Variants in PPP2R2B observed in about 807,000 individuals in gnomAD.
The protein encoded by PPP2R2B is protein phosphatase 2 regulatory subunit Bbeta, also known as serine/threonine-protein phosphatase 2A 55 kDa regulatory subunit B beta isoform.
PPP2R2B carries 5 observed loss-of-function variants against 46.0 expected under a neutral mutation model. The ratio of observed to expected loss-of-function variants is 0.11; its 90% CI spans 0.06 to 0.23. The LOEUF (loss-of-function observed/expected upper bound fraction) is 0.23. Among genes scored for constraint, PPP2R2B ranks in the 10% least tolerant of loss-of-function variants. The pLI, the probability that PPP2R2B is intolerant of heterozygous loss-of-function variation, is 1.00. For missense variants in PPP2R2B, 367 were observed against 575.0 expected (o/e 0.64, Z 3.70); for synonymous variants, 215 against 206.7 (o/e 1.04, Z -0.34).
chr5:146,605,878 A>G (rs980695879), intron 7 of PPP2R2B, among the ~76,000 whole-genome samples: 1 of 152,214 alleles, frequency 6.6e-6, no homozygotes, highest in African/African-American at 2.4e-5. Flanking sequence ...AAAATTCCAT[A>G]GGCTATCTTA....
At chr5:146,931,190 G>A (rs1053037386) in intron 1 of PPP2R2B, among the ~76,000 whole-genome samples, 10 of 152,054 alleles carry the variant, frequency 6.6e-5, no homozygotes, top group South Asian at 4.2e-4. Context: ...AGAACCTTCC[G>A]CAATAATACA....
intron 2 of PPP2R2B, among the ~76,000 whole-genome samples, chr5:146,801,125 T>C (rs1324808291): frequency 6.6e-6 from 1 of 151,590 alleles, no homozygotes; most frequent in African/African-American, 2.4e-5. Flanking sequence ...GAATCTAAAA[T>C]AGCTAAACAT....
intron 1 of PPP2R2B, among the ~76,000 whole-genome samples, chr5:147,009,936 T>C (rs1184033605): frequency 6.6e-6 from 1 of 151,662 alleles, no homozygotes; most frequent in Non-Finnish European, 1.5e-5. Flanking sequence ...TAAGCATTTT[T>C]TATACTCACT....
chr5:146,806,496 C>A (rs560485861), intron 2 of PPP2R2B, among the ~76,000 whole-genome samples: 1 of 152,328 alleles, frequency 6.6e-6, no homozygotes, highest in African/African-American at 2.4e-5. Flanking sequence ...AAAGAGGTAC[C>A]TGACTCTTTC....
chr5:146,986,635 G>C (rs1175952910), intron 1 of PPP2R2B, among the ~76,000 whole-genome samples: 1 of 152,004 alleles, frequency 6.6e-6, no homozygotes, highest in Non-Finnish European at 1.5e-5. Flanking sequence ...TACAGTAGAG[G>C]GTCTCAATAG....
intron 1 of PPP2R2B, chr5:147,040,663 C>A (rs1356321881): frequency 2.4e-6 from 1 of 420,954 alleles, no homozygotes; most frequent in Non-Finnish European, 4.7e-6. Flanking sequence ...GTAACATATA[C>A]CCTGGCCCTG....
upstream of PPP2R2B, among the ~76,000 whole-genome samples, chr5:147,060,468 T>C (rs373804502): frequency 1.1e-3 from 174 of 151,864 alleles, no homozygotes; most frequent in African/African-American, 4.1e-3. Context: ...CTCTAAAAAA[T>C]ATACAGAAAA....
In PPP2R2B at chr5:146,582,023, C is replaced by T. The variant is rs1252178877; in HGVS notation, c.*7924G>A. The T allele has an allele frequency of 1.3e-5, 2 of 152,280 alleles. No homozygotes were observed. Among genetic ancestry groups the T allele is most frequent in the Non-Finnish European group, 1.5e-5 (1 of 68,058 alleles). 9.4% of individuals were successfully genotyped at this position (152,280 alleles called of 1,614,324 possible). A position where few individuals can be genotyped will look rare whatever the true frequency, so the allele number is the denominator to read the frequency against. ...CACTGACCCTATTGTTCATCCCCCT[C>T]CAATTTATTGTTGTATTTCCCAGCT... On this transcript the variant is annotated 3_prime_UTR_variant, in exon 10 of 10. Coordinates refer to ENST00000394411, the MANE Select transcript of PPP2R2B (RefSeq NM_181675.4).
chr5:146,636,180 C>A (rs1332810044), intron 7 of PPP2R2B, among the ~76,000 whole-genome samples: 1 of 152,122 alleles, frequency 6.6e-6, no homozygotes, highest in Admixed American at 6.5e-5. Context: ...CAGCGAAATG[C>A]TCTCAAATTA....
At chr5:146,891,407 G>T (rs1051774808) in intron 1 of PPP2R2B, among the ~76,000 whole-genome samples, 9 of 152,210 alleles carry the variant, frequency 5.9e-5, no homozygotes, top group Admixed American at 2.0e-4. Context: ...TCATTTTTGT[G>T]AACACTGTCA....
At chr5:146,938,093 C>T (rs1296887723) in intron 1 of PPP2R2B, among the ~76,000 whole-genome samples, 1 of 152,042 alleles carries the variant, frequency 6.6e-6, no homozygotes, top group African/African-American at 2.4e-5. Context: ...CGTAAAATTG[C>T]TTAGATTGAG....
intron 1 of PPP2R2B, among the ~76,000 whole-genome samples, chr5:146,941,310 T>TG (rs370408525): frequency 6.6e-6 from 1 of 152,288 alleles, no homozygotes; most frequent in Non-Finnish European, 1.5e-5. Flanking sequence ...CCAAAACACT[T>TG]GGGACCTAAT....
At chr5:146,638,174 T>A in intron 7 of PPP2R2B, 77 bp downstream of exon 7, 1 of 1,454,998 alleles carries the variant, frequency 6.9e-7, no homozygotes, top group Non-Finnish European at 9.3e-7. Context: ...GAAAGGGAGA[T>A]CATAAGCTTC....
chr5:147,081,483 G>A (rs181704889), upstream of PPP2R2B: 91 of 601,588 alleles, frequency 1.5e-4, no homozygotes, highest in African/African-American at 1.4e-3. Context: ...CCCTTTTCAC[G>A]GGAATACTAA....
chr5:146,688,580 T>C (rs1053895550), intron 5 of PPP2R2B, among the ~76,000 whole-genome samples: 1 of 151,752 alleles, frequency 6.6e-6, no homozygotes, highest in Non-Finnish European at 1.5e-5. Context: ...AGAACCAGAG[T>C]TGGAATTTTC....
chr5:146,833,442 C>T (rs1485654544), intron 2 of PPP2R2B, among the ~76,000 whole-genome samples: 2 of 152,154 alleles, frequency 1.3e-5, no homozygotes, highest in East Asian at 3.9e-4. Flanking sequence ...TGAAACAAAA[C>T]CTGTCTGTAC....
intron 5 of PPP2R2B, among the ~76,000 whole-genome samples, chr5:146,652,992 A>G (rs1260390523): frequency 1.3e-5 from 2 of 152,194 alleles, no homozygotes; most frequent in African/African-American, 4.8e-5. Context: ...TAAAAAAGTG[A>G]CTTTGCCCTG....
At chr5:146,795,332 A>T (rs1041525932) in intron 2 of PPP2R2B, among the ~76,000 whole-genome samples, 2 of 152,238 alleles carry the variant, frequency 1.3e-5, no homozygotes, top group Non-Finnish European at 2.9e-5. Flanking sequence ...AATGTGGTAT[A>T]CATGCAAAAC....
chr5:147,069,907 CA>C (rs1489917435), intron 2 of PPP2R2B, among the ~76,000 whole-genome samples: 64 of 146,212 alleles, frequency 4.4e-4, no homozygotes, highest in African/African-American at 1.5e-3. Context: ...TCTCTTGCCT[CA>C]GCCTCCTGAG....
Sources: gnomAD v4.1 joint callset for allele counts (sites outside exome capture counted in the v4.1 genomes callset) on GRCh38, gnomAD v4.1.1 for gene constraint, MANE v1.5 for transcripts, NCBI Gene and HGNC (gene_info 2026-07-23, HGNC 2026-07-21) for gene names.